The following KIAA0825 variants were observed in gnomAD, a reference collection of about 807,000 sequenced individuals.
KIAA0825 encodes KIAA0825, also known as uncharacterized protein KIAA0825.
In KIAA0825, 119 loss-of-function variants were observed where a neutral mutation model predicts 147.6. That is an observed-to-expected ratio of 0.81 (90% CI 0.69 to 0.94). The LOEUF (loss-of-function observed/expected upper bound fraction) is 0.94, where lower values mean the gene tolerates loss of function less well. KIAA0825 is among the 40% of genes least tolerant of loss of function. The pLI is 0.00. For synonymous variants in KIAA0825, 470 were observed against 518.1 expected (o/e 0.91, Z 1.26); for missense variants, 1,381 against 1,472.7 (o/e 0.94, Z 1.02).
At chr5:94,481,525 A>T (rs761279050) in intron 6 of KIAA0825, among the ~76,000 whole-genome samples, 8 of 152,060 alleles carry the variant, frequency 5.3e-5, no homozygotes, top group Non-Finnish European at 1.0e-4. Context: ...CATCCAAGAG[A>T]TAATACCATG....
chr5:94,387,725 A>G (rs1749352584), intron 18 of KIAA0825, among the ~76,000 whole-genome samples: 1 of 151,476 alleles, frequency 6.6e-6, no homozygotes, highest in Non-Finnish European at 1.5e-5. Flanking sequence ...AACTCCCAGG[A>G]GATCCATAGG....
In KIAA0825 at chr5:94,245,071, A is replaced by G. The variant is rs138125240; in HGVS notation, c.3711-90947T>C. On this transcript the variant is annotated intron_variant, in intron 20 of 20. Transcript: ENST00000682413. ...TTGAAAATTATCTTTTACATGAAAT[A>G]CTGGTATCTTATCTTCTTCACATTT... Among the ~76,000 whole-genome samples, 47 of 152,324 alleles carry G rather than the reference A, an allele frequency of 3.1e-4. 1 individual carries two copies. The East Asian group carries it at 6.7e-3, about 22-fold the overall frequency.
chr5:94,565,961 G>A (rs1028011434), intron 2 of KIAA0825, among the ~76,000 whole-genome samples: 14 of 151,972 alleles, frequency 9.2e-5, no homozygotes, highest in African/African-American at 2.4e-4. Flanking sequence ...TGTAAACATC[G>A]TTCTACTGTC....
At position 94,336,974 on chromosome 5, in the gene KIAA0825, T is replaced by C. The variant is rs531977768; in HGVS notation, c.3710+47394A>G. Among the ~76,000 whole-genome samples, 5 of 152,284 alleles carry C rather than the reference T, an allele frequency of 3.3e-5. No individual in the cohort carries two copies. In the East Asian group the frequency reaches 9.6e-4, roughly 29 times the overall value. On this transcript the variant is annotated intron_variant, in intron 20 of 20. Transcript: ENST00000682413. The stretch of plus-strand genomic sequence containing the variant: ...ATAAGTATCAATACATTTAAAAGAA[T>C]TGAATACTAGTCAGCAATAACAAGA...
In KIAA0825 at chr5:94,272,106, CAAAAAAAAAA is replaced by C. The variant is rs70975898; in HGVS notation, c.3710+112252_3710+112261del. The stretch of plus-strand genomic sequence containing the variant: ...GCATCTTCTCACTTATTTGTAGGAG[CAAAAAAAAAA>C]AAAAAAAAAAAAAAAACTAAGACAA... On this transcript the variant is annotated intron_variant, in intron 20 of 20. Transcript: ENST00000682413. 7.5e-5 allele frequency among the ~76,000 whole-genome samples: 5 copies of C among 66,630 alleles called. 2 individuals carry two copies. The highest frequency in any genetic ancestry group is 1.2e-4 in the African/African-American group (2 of 16,924). The allele number at this position is 66,630 out of a possible 152,430, so 43.7% of individuals were successfully genotyped here.
chr5:94,593,704 C>A, intron 1 of KIAA0825: 1 of 384,388 alleles, frequency 2.6e-6, no homozygotes, highest in Non-Finnish European at 5.1e-6. Flanking sequence ...TTCAGTTCTG[C>A]ACAAACATTT....
Position 94,506,101 on chromosome 5 carries a change from G to A in KIAA0825, c.970+14147C>T, listed in dbSNP as rs534964358. On this transcript the variant is annotated intron_variant, in intron 5 of 20. Coordinates refer to ENST00000682413, the MANE Select transcript of KIAA0825 (RefSeq NM_001145678.3). ...TAGTACTTAATTTTCCCTTTGCTCA[G>A]TGAATAATGATTATTGCTTTCACCT... Among the ~76,000 whole-genome samples, 92 of 152,258 alleles carry A rather than the reference G, an allele frequency of 6.0e-4. 2 individuals carry two copies. The South Asian group carries it at 0.015, about 25-fold the overall frequency.
At chr5:94,604,187 C>G (rs1475767632) in intron 1 of KIAA0825, among the ~76,000 whole-genome samples, 2 of 152,200 alleles carry the variant, frequency 1.3e-5, no homozygotes, top group East Asian at 3.8e-4. Context: ...AAGTAAAACA[C>G]TCCTCAGTGA....
At chr5:94,544,725 A>C (rs996616112) in intron 2 of KIAA0825, among the ~76,000 whole-genome samples, 3 of 152,168 alleles carry the variant, frequency 2.0e-5, no homozygotes, top group Non-Finnish European at 4.4e-5. Flanking sequence ...TCTCATACTA[A>C]GGCAAATATG....
intron 5 of KIAA0825, among the ~76,000 whole-genome samples, chr5:94,486,462 A>C (rs1313978774): frequency 6.6e-6 from 1 of 152,118 alleles, no homozygotes; most frequent in Non-Finnish European, 1.5e-5. Context: ...CAAAAATGTC[A>C]TGATCTCTTT....
chr5:94,319,313 C>A (rs1711577181), intron 20 of KIAA0825, among the ~76,000 whole-genome samples: 1 of 151,788 alleles, frequency 6.6e-6, no homozygotes, highest in African/African-American at 2.4e-5. Context: ...TGTTGGAGTG[C>A]CCTAGGCCCC....
Position 94,587,370 on chromosome 5 carries a change from A to G in KIAA0825, c.-152-4787T>C, listed in dbSNP as rs149265651. Among the ~76,000 whole-genome samples the G allele has an allele frequency of 2.1e-3, 317 of 152,318 alleles. 2 individuals are homozygous for G. The highest frequency in any genetic ancestry group is 7.3e-3 in the African/African-American group (304 of 41,556). ...TCTCAGGATACAAAATCAATGTGCAAAAATCACAAGCAGTCCTATACACCA... is the reference window on the plus strand; with the variant it reads ...TCTCAGGATACAAAATCAATGTGCAGAAATCACAAGCAGTCCTATACACCA... On this transcript the variant is annotated intron_variant, in intron 1 of 20. Coordinates refer to ENST00000682413, the MANE Select transcript of KIAA0825 (RefSeq NM_001145678.3).
chr5:94,378,808 G>A (rs1747958143), intron 20 of KIAA0825, among the ~76,000 whole-genome samples: 1 of 152,166 alleles, frequency 6.6e-6, no homozygotes, highest in Admixed American at 6.5e-5. Context: ...TGACTGGTGT[G>A]AGATGCTATC....
chr5:94,534,094 T>C (rs1211706302), intron 3 of KIAA0825, among the ~76,000 whole-genome samples: 1 of 152,220 alleles, frequency 6.6e-6, no homozygotes, highest in African/African-American at 2.4e-5. Flanking sequence ...ACTAATGTTG[T>C]TTTTTTCTTT....
intron 5 of KIAA0825, among the ~76,000 whole-genome samples, chr5:94,515,166 CT>C (rs919276802): frequency 6.6e-6 from 1 of 151,948 alleles, no homozygotes; most frequent in African/African-American, 2.4e-5. Flanking sequence ...ATAATCCTTT[CT>C]TTTTTGAACA....
chr5:94,439,502 T>A (rs1756792289), intron 14 of KIAA0825, among the ~76,000 whole-genome samples: 1 of 152,218 alleles, frequency 6.6e-6, no homozygotes, highest in Non-Finnish European at 1.5e-5. Context: ...ATTACTACTC[T>A]GTGCTCCAAC....
rs148877344 is a variant in KIAA0825 at position 94,179,721 on chromosome 5, C to T, written c.3711-25597G>A. Among the ~76,000 whole-genome samples the T allele has an allele frequency of 2.5e-3, 387 of 152,078 alleles. 1 individual carries two copies. The highest frequency in any genetic ancestry group is 9.1e-3 in the African/African-American group (377 of 41,502). On this transcript the variant is annotated intron_variant, in intron 20 of 20. Coordinates refer to ENST00000682413, the MANE Select transcript of KIAA0825 (RefSeq NM_001145678.3). The stretch of plus-strand genomic sequence containing the variant: ...TAAGGAAGTAAAGGAAAAGAAAAAA[C>T]GATGGGAGCATATTAAAACAGATAG...
intron 20 of KIAA0825, among the ~76,000 whole-genome samples, chr5:94,165,837 A>G (rs1767981509): frequency 6.6e-6 from 1 of 152,196 alleles, no homozygotes; most frequent in Admixed American, 6.5e-5. Flanking sequence ...GAGTAGAAAG[A>G]TGGTTACCAG....
intron 20 of KIAA0825, among the ~76,000 whole-genome samples, chr5:94,347,917 T>C (rs1783197842): frequency 6.6e-6 from 1 of 152,016 alleles, no homozygotes; most frequent in Non-Finnish European, 1.5e-5. Context: ...AAGTGAGAAA[T>C]ATTCAAGAAA....
Sources: gnomAD v4.1 joint callset for allele counts (sites outside exome capture counted in the v4.1 genomes callset) on GRCh38, gnomAD v4.1.1 for gene constraint, MANE v1.5 for transcripts, NCBI Gene and HGNC (gene_info 2026-07-23, HGNC 2026-07-21) for gene names.